Variants in BRSK2 observed in about 807,000 individuals in gnomAD.
The protein encoded by BRSK2 is BR serine/threonine kinase 2.
In BRSK2, 19 loss-of-function variants were observed where a neutral mutation model predicts 83.3. That is an observed-to-expected ratio of 0.23 (90% CI 0.16 to 0.33). BRSK2 has a LOEUF of 0.33. Among genes scored for constraint, BRSK2 ranks in the 10% least tolerant of loss-of-function variants. The pLI is 1.00. For synonymous variants in BRSK2, 519 were observed against 435.4 expected (o/e 1.19, Z -2.39); for missense variants, 798 against 1,042.3 (o/e 0.77, Z 3.23).
At chr11:1,449,967 C>T (rs528894962) in intron 13 of BRSK2, 131 bp downstream of exon 13, 4 of 629,904 alleles carry the variant, frequency 6.4e-6, no homozygotes, top group African/African-American at 3.7e-5. Context: ...TGCCCACGCT[C>T]CTGTGGCGGC....
intron 1 of BRSK2, among the ~76,000 whole-genome samples, chr11:1,421,884 C>A (rs1362890810): frequency 1.3e-5 from 2 of 151,964 alleles, no homozygotes; most frequent in African/African-American, 4.8e-5. Flanking sequence ...GGGGAGCAAA[C>A]CTGCCGGCCC....
intron 3 of BRSK2, among the ~76,000 whole-genome samples, chr11:1,440,295 C>G (rs1851027714): frequency 6.6e-6 from 1 of 152,160 alleles, no homozygotes; most frequent in Non-Finnish European, 1.5e-5. Context: ...TCCCCTGGCC[C>G]TCACACCTCC....
chr11:1,439,660 C>T (rs546991179), intron 3 of BRSK2, among the ~76,000 whole-genome samples: 7 of 152,150 alleles, frequency 4.6e-5, no homozygotes, highest in Middle Eastern at 3.4e-3. Context: ...TGTCCCACCC[C>T]CTCTGGACAC....
chr11:1,457,933 G>A (rs570092911), intron 18 of BRSK2, among the ~76,000 whole-genome samples: 12 of 152,316 alleles, frequency 7.9e-5, no homozygotes, highest in Admixed American at 2.0e-4. Flanking sequence ...CTGGCACAGC[G>A]GGTAAGGAGG....
At chr11:1,413,913 T>C (rs7102832) in intron 1 of BRSK2, among the ~76,000 whole-genome samples, 107,441 of 151,878 alleles carry the variant, frequency 0.71, 38,557 homozygotes, top group Non-Finnish European at 0.76. Context: ...CGCCCAGCTC[T>C]GCCTTCTGCC....
intron 1 of BRSK2, chr11:1,410,467 A>G (rs1847346501): frequency 1.0e-6 from 1 of 985,528 alleles, no homozygotes; most frequent in Non-Finnish European, 1.2e-6. Flanking sequence ...GAAAGCACCC[A>G]GCGTAGTCAT....
At chr11:1,445,482 T>G (rs1590609534) in intron 10 of BRSK2, 24 bp downstream of exon 10, 1 of 1,610,366 alleles carries the variant, frequency 6.2e-7, no homozygotes, top group Non-Finnish European at 8.5e-7. Flanking sequence ...TGCTCCCGGG[T>G]GGGGCACGGG....
intron 18 of BRSK2, 91 bp from the exon 19 acceptor site, chr11:1,459,101 C>T: frequency 1.5e-6 from 2 of 1,338,490 alleles, no homozygotes; most frequent in Non-Finnish European, 2.1e-6. Flanking sequence ...TGGCTCCACC[C>T]CCTCCCCATC....
intron 1 of BRSK2, among the ~76,000 whole-genome samples, chr11:1,393,937 G>C (rs1452615363): frequency 7.3e-6 from 1 of 136,346 alleles, no homozygotes; most frequent in African/African-American, 2.6e-5. Flanking sequence ...ATGGGTCCTG[G>C]AGATGGGTCC....
chr11:1,448,319 G>A lies in BRSK2; in HGVS notation c.1227-1457G>A, dbSNP rs11028211. On this transcript the variant is annotated intron_variant, in intron 12 of 19. Coordinates refer to ENST00000528841, the MANE Select transcript of BRSK2 (RefSeq NM_001256627.2). ...TGGGGCCAGTTTTGCGAGCCTGGGC[G>A]GGTGGCGCCGCCCCCAAGGCTGCAG... Among the ~76,000 whole-genome samples, 3 of 152,156 alleles carry A rather than the reference G, an allele frequency of 2.0e-5. No individual in the cohort carries two copies. The South Asian group carries it at 6.2e-4, about 31-fold the overall frequency.
At chr11:1,434,043 T>C (rs1226640085) in intron 1 of BRSK2, among the ~76,000 whole-genome samples, 1 of 152,210 alleles carries the variant, frequency 6.6e-6, no homozygotes, top group Non-Finnish European at 1.5e-5. Context: ...GTTTGACGCG[T>C]GAGACAAAGG....
At chr11:1,458,157 A>G (rs11607894) in intron 18 of BRSK2, among the ~76,000 whole-genome samples, 60,865 of 151,774 alleles carry the variant, frequency 0.4, 12,828 homozygotes, top group African/African-American at 0.51. Context: ...GCCCCGGGGT[A>G]CTGCCCAGGG....
chr11:1,447,172 T>G (rs1441609136), intron 12 of BRSK2, among the ~76,000 whole-genome samples: 1 of 152,074 alleles, frequency 6.6e-6, no homozygotes, highest in Non-Finnish European at 1.5e-5. Context: ...ACGCCAGTAC[T>G]AGGGGGTAGC....
chr11:1,447,766 T>G (rs752741203), intron 12 of BRSK2: 1 of 1,588,748 alleles, frequency 6.3e-7, no homozygotes, highest in Non-Finnish European at 8.5e-7. Flanking sequence ...TGGCCGTCAG[T>G]AACTGTGTTT....
intron 15 of BRSK2, among the ~76,000 whole-genome samples, chr11:1,453,361 T>C (rs898841845): frequency 3.3e-5 from 5 of 152,206 alleles, no homozygotes; most frequent in Admixed American, 1.3e-4. Context: ...AGAGTCACGT[T>C]TGTACCATCT....
At chr11:1,448,827 G>A (rs934994220) in intron 12 of BRSK2, among the ~76,000 whole-genome samples, 2 of 152,366 alleles carry the variant, frequency 1.3e-5, no homozygotes, top group Non-Finnish European at 2.9e-5. Context: ...ACCAGCCCCC[G>A]GGTGTCCGGG....
At chr11:1,436,288 C>T (rs566726760) in intron 2 of BRSK2, among the ~76,000 whole-genome samples, 154 bp downstream of exon 2, 18 of 151,976 alleles carry the variant, frequency 1.2e-4, no homozygotes, top group African/African-American at 4.3e-4. Flanking sequence ...CCTGCTGGTC[C>T]CCTGGTAGGG....
At chr11:1,436,822 GC>G (rs1441391627) in intron 2 of BRSK2, among the ~76,000 whole-genome samples, 1 of 152,104 alleles carries the variant, frequency 6.6e-6, no homozygotes, top group Non-Finnish European at 1.5e-5. Flanking sequence ...TCCTTGGCAT[GC>G]AGGGCTGCGG....
intron 1 of BRSK2, among the ~76,000 whole-genome samples, chr11:1,418,999 C>T (rs896658790): frequency 3.3e-5 from 5 of 152,204 alleles, no homozygotes; most frequent in African/African-American, 9.7e-5. Flanking sequence ...ATTGATTGAT[C>T]GGTTGATTGA....
Sources: allele counts gnomAD v4.1 joint callset (sites outside exome capture counted in the v4.1 genomes callset), GRCh38; gene constraint gnomAD v4.1.1; transcripts MANE v1.5; gene names NCBI Gene and HGNC (gene_info 2026-07-23, HGNC 2026-07-21).